Variants in MPDZ observed in about 807,000 individuals in gnomAD.
The protein encoded by MPDZ is multiple PDZ domain crumbs cell polarity complex component.
A neutral mutation model predicts 239.1 loss-of-function variants in MPDZ; 234 were observed. That is an observed-to-expected ratio of 0.98 (90% confidence interval 0.88 to 1.09). The LOEUF is 1.09. MPDZ is among the 50% of genes least tolerant of loss of function. The pLI, the probability that MPDZ is intolerant of heterozygous loss-of-function variation, is 0.00. For missense variants in MPDZ, 3,175 were observed against 2,510.0 expected, an observed-to-expected ratio of 1.26 and a Z score of -5.66; for synonymous variants, 1,048 against 881.3, an observed-to-expected ratio of 1.19 and a Z score of -3.35.
intron 16 of MPDZ, 76 bp downstream of exon 16, chr9:13,190,038 T>C (rs1346814830): frequency 8.3e-6 from 11 of 1,332,156 alleles, no homozygotes; most frequent in Non-Finnish European, 1.1e-5. Flanking sequence ...TTGATGGTTA[T>C]AAACTATCAT....
intron 15 of MPDZ, among the ~76,000 whole-genome samples, chr9:13,190,719 A>C (rs894554738): frequency 2.0e-4 from 30 of 152,190 alleles, no homozygotes; most frequent in African/African-American, 7.2e-4. Context: ...TATACTCTAT[A>C]CAAATAAGAG....
chr9:13,108,105 T>C (rs896484848), intron 46 of MPDZ, among the ~76,000 whole-genome samples: 9 of 152,148 alleles, frequency 5.9e-5, no homozygotes, highest in African/African-American at 2.2e-4. Flanking sequence ...TAAAGAACTA[T>C]ACCACTAATC....
Position 13,158,012 on chromosome 9 carries a change from C to A in MPDZ, c.3452+6G>T. On this transcript the variant is annotated splice_donor_region_variant and intron_variant, in intron 24 of 46. Coordinates refer to ENST00000319217, the MANE Select transcript of MPDZ (RefSeq NM_001378778.1). ...TGGGTGGACAGAAGACAGAAATAGT[C>A]CTTACCGCCTGGGCTGATTCCAATT... is the stretch of plus-strand genomic sequence containing the variant. The A allele has an allele frequency of 6.2e-7, 1 of 1,611,054 alleles. No individual in the cohort carries two copies. Among genetic ancestry groups the A allele is most frequent in the African/African-American group, 1.3e-5 (1 of 74,964 alleles).
chr9:13,222,006 G>T (rs905286281), intron 6 of MPDZ, among the ~76,000 whole-genome samples: 1 of 151,956 alleles, frequency 6.6e-6, no homozygotes, highest in Non-Finnish European at 1.5e-5. Flanking sequence ...CATTTTTAAG[G>T]AATGCTGTCA....
chr9:13,208,823 A>C (rs1957292162), intron 10 of MPDZ, among the ~76,000 whole-genome samples: 1 of 152,044 alleles, frequency 6.6e-6, no homozygotes, highest in Non-Finnish European at 1.5e-5. Context: ...CAGTTCCTTA[A>C]ACCTTCTATG....
At chr9:13,244,154 A>G (rs1437930566) in intron 3 of MPDZ, among the ~76,000 whole-genome samples, 1 of 152,218 alleles carries the variant, frequency 6.6e-6, no homozygotes, top group Non-Finnish European at 1.5e-5. Flanking sequence ...GCCACTGGTC[A>G]ATTCTTAAGG....
At chr9:13,219,433 G>A in intron 8 of MPDZ, 126 bp downstream of exon 8, 1 of 809,042 alleles carries the variant, frequency 1.2e-6, no homozygotes, top group Non-Finnish European at 1.9e-6. Flanking sequence ...CCCTACATTT[G>A]AATTTCATTC....
chr9:13,214,592 G>A (rs569963123), intron 10 of MPDZ, among the ~76,000 whole-genome samples: 6 of 152,052 alleles, frequency 3.9e-5, no homozygotes, highest in African/African-American at 1.4e-4. Flanking sequence ...TTTCAATCAA[G>A]CTTATTTTTT....
At chr9:13,211,972 C>T (rs1248913187) in intron 10 of MPDZ, among the ~76,000 whole-genome samples, 1 of 151,910 alleles carries the variant, frequency 6.6e-6, no homozygotes, top group Non-Finnish European at 1.5e-5. Flanking sequence ...ATGTTATTTA[C>T]TCTCACAGTA....
chr9:13,160,870 A>ATATATATATATATAT (rs1554669677), intron 23 of MPDZ, among the ~76,000 whole-genome samples: 99 of 127,704 alleles, frequency 7.8e-4, no homozygotes, highest in South Asian at 1.9e-3. Flanking sequence ...ATATATATAT[A>ATATATATATATATAT]AAACAGGTAC....
At chr9:13,250,426 A>G (rs1967632638) in intron 1 of MPDZ, 54 bp from the exon 2 acceptor site, 1 of 936,528 alleles carries the variant, frequency 1.1e-6, no homozygotes, top group Non-Finnish European at 1.6e-6. Flanking sequence ...TATATTCTAA[A>G]GCTATATACT....
At chr9:13,248,815 T>C (rs1367318512) in intron 2 of MPDZ, among the ~76,000 whole-genome samples, 1 of 145,830 alleles carries the variant, frequency 6.9e-6, no homozygotes. Flanking sequence ...TAAAAAAAAA[T>C]AAAAAAAATC....
intron 12 of MPDZ, among the ~76,000 whole-genome samples, chr9:13,201,286 A>G (rs1956356619): frequency 6.6e-6 from 1 of 152,002 alleles, no homozygotes; most frequent in Non-Finnish European, 1.5e-5. Flanking sequence ...TTACTTCGCT[A>G]GAAAGCAATA....
chr9:13,144,968 G>T lies in MPDZ; in HGVS notation c.3742-1404C>A, dbSNP rs552926490. Among the ~76,000 whole-genome samples, 4 of 152,056 alleles carry T rather than the reference G, an allele frequency of 2.6e-5. No homozygotes were observed. The East Asian group carries it at 7.8e-4, about 30-fold the overall frequency. Reference sequence around the variant, plus strand: ...AGATTATTTCTAATCTCCATACATTGGACTTTCAGTGTCCTGTATAATTCT... The same window carrying T: ...AGATTATTTCTAATCTCCATACATTTGACTTTCAGTGTCCTGTATAATTCT... On this transcript the variant is annotated intron_variant, in intron 26 of 46. Coordinates refer to ENST00000319217, the MANE Select transcript of MPDZ (RefSeq NM_001378778.1).
intron 19 of MPDZ, 143 bp downstream of exon 19, chr9:13,183,275 T>C: frequency 1.6e-6 from 1 of 614,848 alleles, no homozygotes; most frequent in Non-Finnish European, 2.6e-6. Context: ...AATGAAATTG[T>C]ACTTTAATCC....
chr9:13,268,257 G>A (rs1455738702), intron 1 of MPDZ, among the ~76,000 whole-genome samples: 7 of 151,846 alleles, frequency 4.6e-5, no homozygotes, highest in Admixed American at 2.0e-4. Context: ...AGTATTAAGT[G>A]AGCACTTACA....
At chr9:13,144,353 A>G (rs1200166656) in intron 26 of MPDZ, among the ~76,000 whole-genome samples, 2 of 152,042 alleles carry the variant, frequency 1.3e-5, no homozygotes, top group Non-Finnish European at 2.9e-5. Flanking sequence ...AGACTGTTAG[A>G]GTTGAAAATA....
chr9:13,172,634 G>T (rs2134048059), intron 21 of MPDZ, among the ~76,000 whole-genome samples: 1 of 152,126 alleles, frequency 6.6e-6, no homozygotes, highest in South Asian at 2.1e-4. Context: ...TGATCCACTC[G>T]CCTTAGCCTC....
intron 6 of MPDZ, among the ~76,000 whole-genome samples, chr9:13,221,847 TCCTG>T (rs1959146060): frequency 6.6e-6 from 1 of 152,084 alleles, no homozygotes; most frequent in East Asian, 1.9e-4. Flanking sequence ...TTCTGCATAA[TCCTG>T]CCTTGAGGCA....
Sources: allele counts gnomAD v4.1 joint callset (sites outside exome capture counted in the v4.1 genomes callset), GRCh38; gene constraint gnomAD v4.1.1; transcripts MANE v1.5; gene names NCBI Gene and HGNC (gene_info 2026-07-23, HGNC 2026-07-21).